CD99: variants seen among roughly 807,000 people sequenced by gnomAD.
CD99 encodes CD99 antigen.
In CD99, 19 loss-of-function variants were observed where a neutral mutation model predicts 28.4. The ratio of observed to expected loss-of-function variants is 0.67; its 90% CI spans 0.47 to 0.98. The LOEUF (loss-of-function observed/expected upper bound fraction) is 0.98, where lower values mean the gene tolerates loss of function less well. CD99 is among the 50% of genes least tolerant of loss of function. CD99 has a pLI of 0.00. For missense variants in CD99, 283 were observed against 248.8 expected, an observed-to-expected ratio of 1.14 and a Z score of -0.92; for synonymous variants, 103 against 92.1, an observed-to-expected ratio of 1.12 and a Z score of -0.67.
chrX:2,740,411 C>T (rs1341183032), intron 9 of CD99, among the ~76,000 whole-genome samples: 1 of 152,108 alleles, frequency 6.6e-6, no homozygotes, highest in Admixed American at 6.6e-5. Context: ...AATGAATGGA[C>T]CAGAAAATCT....
intron 7 of CD99, among the ~76,000 whole-genome samples, chrX:2,724,424 T>G (rs1384500621): frequency 6.6e-6 from 1 of 150,924 alleles, no homozygotes. Flanking sequence ...CGGAGAAGAT[T>G]CTATCTGGAG....
At chrX:2,729,727 T>C (rs962914003) in intron 8 of CD99, among the ~76,000 whole-genome samples, 2 of 152,162 alleles carry the variant, frequency 1.3e-5, no homozygotes, top group East Asian at 3.8e-4. Context: ...TCCTCTACCT[T>C]ATCCGCCCCG....
At chrX:2,712,917 A>G (rs1337689453) in intron 1 of CD99, among the ~76,000 whole-genome samples, 2 of 151,992 alleles carry the variant, frequency 1.3e-5, no homozygotes, top group Non-Finnish European at 1.5e-5. Context: ...ACATGCATAC[A>G]TGCACCTATG....
intron 1 of CD99, among the ~76,000 whole-genome samples, chrX:2,699,874 C>T (rs1274619507): frequency 3.3e-5 from 5 of 152,156 alleles, no homozygotes; most frequent in African/African-American, 1.2e-4. Context: ...TTCCCATGAC[C>T]GCCTCTCGGA....
chrX:2,716,722 C>T (rs143462600), intron 2 of CD99, among the ~76,000 whole-genome samples: 8,466 of 152,172 alleles, frequency 0.056, 821 homozygotes, highest in African/African-American at 0.2. Flanking sequence ...GGAAACAGTG[C>T]TGATGGGGAT....
At chrX:2,702,645 C>T (rs2047913113) in intron 1 of CD99, among the ~76,000 whole-genome samples, 1 of 152,094 alleles carries the variant, frequency 6.6e-6, no homozygotes, top group African/African-American at 2.4e-5. Context: ...CTTAGGTAAA[C>T]ATGTGTCATG....
At chrX:2,715,637 T>C (rs2048665123) in intron 2 of CD99, 1 of 152,040 alleles carries the variant, frequency 6.6e-6, no homozygotes, top group Admixed American at 6.6e-5. Context: ...TACCAGGTTT[T>C]AGGCTTTAGG....
chrX:2,708,747 G>T (rs756009063), intron 1 of CD99, among the ~76,000 whole-genome samples: 2 of 152,294 alleles, frequency 1.3e-5, no homozygotes, highest in East Asian at 1.9e-4. Flanking sequence ...CAGACTTGTT[G>T]TCTTGGACCT....
intron 8 of CD99, chrX:2,733,608 G>C: frequency 1.9e-6 from 1 of 524,750 alleles, no homozygotes; most frequent in Non-Finnish European, 3.5e-6. Flanking sequence ...TTCTGCATAA[G>C]AGCTTCAGAA....
intron 1 of CD99, among the ~76,000 whole-genome samples, chrX:2,700,426 A>C: frequency 6.7e-6 from 1 of 149,882 alleles, no homozygotes; most frequent in African/African-American, 2.5e-5. Context: ...CCATCCATCA[A>C]CCCATCCTCC....
At chrX:2,714,483 C>A in intron 2 of CD99, 29 bp downstream of exon 2, 1 of 1,565,812 alleles carries the variant, frequency 6.4e-7, no homozygotes, top group South Asian at 1.1e-5. Flanking sequence ...TTTTAAAATC[C>A]CGTCAATATT....
chrX:2,702,726 C>G (rs1221831483), intron 1 of CD99, among the ~76,000 whole-genome samples: 1 of 152,138 alleles, frequency 6.6e-6, no homozygotes, highest in Admixed American at 6.6e-5. Flanking sequence ...CCTTTATGTT[C>G]TTCTCCTTAC....
chrX:2,704,867 A>G (rs2048045441), intron 1 of CD99, among the ~76,000 whole-genome samples: 1 of 152,120 alleles, frequency 6.6e-6, no homozygotes, highest in Non-Finnish European at 1.5e-5. Context: ...GGAGTGCGTC[A>G]CAACACCTGT....
rs193073843 is a variant in CD99 at position 2,711,471 on chromosome X, G to A, written c.68-2951G>A. On this transcript the variant is annotated intron_variant, in intron 1 of 9. Coordinates refer to ENST00000381192, the MANE Select transcript of CD99 (RefSeq NM_002414.5). The stretch of plus-strand genomic sequence containing the variant: ...TATATATATGTTTATTTGGGATAAG[G>A]AAAGGAAATCAGTATGTCAAAGAGA... 1.1e-3 allele frequency among the ~76,000 whole-genome samples: 165 copies of A among 151,160 alleles called. No individual in the cohort carries two copies. In the East Asian group the frequency reaches 0.023, roughly 21 times the overall value.
chrX:2,736,541 T>A (rs1379786589), intron 8 of CD99, among the ~76,000 whole-genome samples: 1 of 151,526 alleles, frequency 6.6e-6, no homozygotes, highest in African/African-American at 2.4e-5. Context: ...TGCGGCATGT[T>A]TGAAACATTT....
chrX:2,718,372 T>G, intron 3 of CD99, among the ~76,000 whole-genome samples: 1 of 148,970 alleles, frequency 6.7e-6, no homozygotes, highest in East Asian at 2.0e-4. Flanking sequence ...TTTCTTTCTT[T>G]TTTTTTTTTT....
chrX:2,716,126 C>G (rs917627786), intron 2 of CD99, among the ~76,000 whole-genome samples: 1 of 151,140 alleles, frequency 6.6e-6, no homozygotes, highest in Non-Finnish European at 1.5e-5. Context: ...TCAAGTGATT[C>G]TCCTGCCTCT....
intron 2 of CD99, chrX:2,715,077 C>G (rs746606303): frequency 6.6e-6 from 1 of 152,238 alleles, no homozygotes; most frequent in Non-Finnish European, 1.5e-5. Flanking sequence ...TCCTCCCTCT[C>G]GAAATCGGCA....
intron 1 of CD99, among the ~76,000 whole-genome samples, chrX:2,695,257 G>C (rs2047518273): frequency 6.6e-6 from 1 of 152,004 alleles, no homozygotes; most frequent in Non-Finnish European, 1.5e-5. Flanking sequence ...CCAGGCTGGA[G>C]TGAAGTGGCA....
Sources: allele counts gnomAD v4.1 joint callset (sites outside exome capture counted in the v4.1 genomes callset), GRCh38; gene constraint gnomAD v4.1.1; transcripts MANE v1.5; gene names NCBI Gene and HGNC (gene_info 2026-07-23, HGNC 2026-07-21).